EIF4G3: variants seen among roughly 807,000 people sequenced by gnomAD.
The protein encoded by EIF4G3 is eIF-4-gamma 3.
A neutral mutation model predicts 186.4 loss-of-function variants in EIF4G3; 34 were observed. The observed-to-expected ratio is 0.18, with a 90% CI of 0.14 to 0.24. The LOEUF (loss-of-function observed/expected upper bound fraction) is 0.24, where lower values mean the gene tolerates loss of function less well. Among genes scored for constraint, EIF4G3 ranks in the 10% least tolerant of loss-of-function variants. The probability of loss-of-function intolerance (pLI) is 1.00; values close to 1 mark genes in which losing one functional copy is unlikely to be tolerated. For missense variants in EIF4G3, 1,536 were observed against 1,948.5 expected (o/e 0.79, Z 3.99); for synonymous variants, 673 against 679.5 (o/e 0.99, Z 0.15).
intron 4 of EIF4G3, among the ~76,000 whole-genome samples, chr1:21,010,687 G>A (rs544203721): frequency 2.0e-5 from 3 of 152,206 alleles, no homozygotes; most frequent in African/African-American, 7.2e-5. Context: ...GCACAACACA[G>A]GTATAGCAAA....
At chr1:21,171,126 T>C (rs1368810631) in intron 2 of EIF4G3, among the ~76,000 whole-genome samples, 4 of 152,212 alleles carry the variant, frequency 2.6e-5, no homozygotes, top group African/African-American at 7.2e-5. Flanking sequence ...CTGGAAGCCA[T>C]TTGAGAATTC....
intron 12 of EIF4G3, among the ~76,000 whole-genome samples, chr1:20,961,696 A>G (rs187669205): frequency 1.3e-5 from 2 of 152,306 alleles, no homozygotes; most frequent in Admixed American, 6.5e-5. Context: ...CGAACAGAGA[A>G]TAGGACACTT....
At chr1:20,933,428 G>C (rs575989392) in intron 14 of EIF4G3, among the ~76,000 whole-genome samples, 2 of 152,066 alleles carry the variant, frequency 1.3e-5, no homozygotes, top group Admixed American at 1.3e-4. Context: ...AGGCTGAGCC[G>C]GGTGGATCAC....
At chr1:20,834,296 A>T (rs182460699) in intron 30 of EIF4G3, among the ~76,000 whole-genome samples, 2 of 152,198 alleles carry the variant, frequency 1.3e-5, no homozygotes, top group Admixed American at 1.3e-4. Flanking sequence ...AAAAAAATAA[A>T]AAAAATTAGC....
chr1:21,124,835 C>T (rs563267900), intron 2 of EIF4G3, among the ~76,000 whole-genome samples: 7 of 152,050 alleles, frequency 4.6e-5, no homozygotes, highest in African/African-American at 1.7e-4. Flanking sequence ...AAAGCAAATA[C>T]TAAGGAAAAA....
chr1:21,127,788 A>G (rs1045732332), intron 2 of EIF4G3, among the ~76,000 whole-genome samples: 1 of 152,260 alleles, frequency 6.6e-6, no homozygotes, highest in Admixed American at 6.5e-5. Context: ...AATGTAACAC[A>G]AGAAAAACAG....
At chr1:21,031,161 G>A (rs1001593346) in intron 4 of EIF4G3, among the ~76,000 whole-genome samples, 1 of 151,752 alleles carries the variant, frequency 6.6e-6, no homozygotes, top group South Asian at 2.1e-4. Flanking sequence ...ACTCCAGCCT[G>A]TGCAGCAGAG....
At chr1:21,001,093 CA>C (rs1230857591) in intron 6 of EIF4G3, 105 bp downstream of exon 6, 1 of 422,786 alleles carries the variant, frequency 2.4e-6, no homozygotes, top group Non-Finnish European at 4.9e-6. Flanking sequence ...AGAGAGGAAG[CA>C]ATCAATGCAT....
intron 20 of EIF4G3, among the ~76,000 whole-genome samples, chr1:20,868,564 T>G (rs532782081): frequency 3.3e-5 from 5 of 152,220 alleles, no homozygotes; most frequent in Admixed American, 2.0e-4. Context: ...ACTATGATTT[T>G]TCAGAGACAC....
intron 3 of EIF4G3, among the ~76,000 whole-genome samples, chr1:21,070,928 T>C (rs1243745065): frequency 1.3e-5 from 2 of 152,206 alleles, no homozygotes; most frequent in South Asian, 2.1e-4. Context: ...TTTTATTATA[T>C]TTCATTCCAT....
At chr1:21,002,583 T>A in intron 5 of EIF4G3, 130 bp downstream of exon 5, 1 of 875,184 alleles carries the variant, frequency 1.1e-6, no homozygotes, top group Non-Finnish European at 1.7e-6. Context: ...ATAGTAGGAG[T>A]CATAATAATA....
At chr1:20,983,048 C>T (rs576291096) in intron 7 of EIF4G3, among the ~76,000 whole-genome samples, 3 of 152,198 alleles carry the variant, frequency 2.0e-5, no homozygotes, top group South Asian at 2.1e-4. Context: ...GACCTTTGGG[C>T]CCACTCTGGT....
At chr1:21,099,706 T>C (rs1057455101) in intron 2 of EIF4G3, among the ~76,000 whole-genome samples, 9 of 152,190 alleles carry the variant, frequency 5.9e-5, no homozygotes, top group South Asian at 2.1e-4. Context: ...TGAAGGAATA[T>C]AACAGGGTAA....
chr1:20,843,389 C>A (rs1032319037), intron 29 of EIF4G3, among the ~76,000 whole-genome samples: 3 of 151,850 alleles, frequency 2.0e-5, no homozygotes, highest in African/African-American at 7.3e-5. Flanking sequence ...TAGTGGCACA[C>A]GCCTGTAATC....
At chr1:21,097,676 CG>C (rs2101680426) in intron 2 of EIF4G3, among the ~76,000 whole-genome samples, 1 of 152,236 alleles carries the variant, frequency 6.6e-6, no homozygotes, top group East Asian at 1.9e-4. Context: ...TGTAGTGAAT[CG>C]ATTTTTCACA....
intron 29 of EIF4G3, 97 bp from the exon 30 acceptor site, chr1:20,841,125 T>G (rs1005604692): frequency 8.0e-7 from 1 of 1,252,728 alleles, no homozygotes; most frequent in Non-Finnish European, 1.1e-6. Context: ...ACAGAATCAG[T>G]AGAAACTTCC....
intron 2 of EIF4G3, among the ~76,000 whole-genome samples, chr1:21,158,045 T>C (rs1034569949): frequency 2.0e-5 from 3 of 152,180 alleles, no homozygotes; most frequent in African/African-American, 7.2e-5. Context: ...ATTGTCCTTA[T>C]CATGAACTAA....
intron 4 of EIF4G3, among the ~76,000 whole-genome samples, chr1:21,025,950 A>C (rs148487908): frequency 6.6e-6 from 1 of 152,320 alleles, no homozygotes; most frequent in African/African-American, 2.4e-5. Context: ...TGGAAGATTT[A>C]ATATTGTTAA....
chr1:20,887,121 C>T (rs910824670), intron 18 of EIF4G3, among the ~76,000 whole-genome samples: 1 of 152,080 alleles, frequency 6.6e-6, no homozygotes, highest in African/African-American at 2.4e-5. Flanking sequence ...TGGGTTGATA[C>T]TAAGCTCTGC....
Sources: gnomAD v4.1 joint callset for allele counts (sites outside exome capture counted in the v4.1 genomes callset) on GRCh38, gnomAD v4.1.1 for gene constraint, MANE v1.5 for transcripts, NCBI Gene and HGNC (gene_info 2026-07-23, HGNC 2026-07-21) for gene names.